The following FGF12 variants were observed in gnomAD, a reference collection of about 807,000 sequenced individuals.
The protein encoded by FGF12 is fibroblast growth factor 12B.
A neutral mutation model predicts 23.6 loss-of-function variants in FGF12; 14 were observed. That is an observed-to-expected ratio of 0.59 (90% CI 0.39 to 0.93). The LOEUF is 0.93. FGF12 is among the 40% of genes least tolerant of loss of function. The pLI is 0.00. For synonymous variants in FGF12, 62 were observed against 77.3 expected, an observed-to-expected ratio of 0.80 and a Z score of 1.04; for missense variants, 175 against 217.8, an observed-to-expected ratio of 0.80 and a Z score of 1.24.
chr3:192,270,167 C>T (rs368632495), intron 4 of FGF12, among the ~76,000 whole-genome samples: 125 of 152,192 alleles, frequency 8.2e-4, no homozygotes, highest in Admixed American at 2.2e-3. Context: ...GCTCTGATGA[C>T]CATAGAGCTA....
chr3:192,714,770 G>C (rs1470882373), intron 2 of FGF12, among the ~76,000 whole-genome samples: 15 of 151,980 alleles, frequency 9.9e-5, no homozygotes, highest in Non-Finnish European at 2.2e-4. Flanking sequence ...CGCCCGCCTC[G>C]GCCTCCCAAA....
At chr3:192,587,409 G>A (rs1713417813) in intron 2 of FGF12, among the ~76,000 whole-genome samples, 1 of 151,888 alleles carries the variant, frequency 6.6e-6, no homozygotes, top group Non-Finnish European at 1.5e-5. Flanking sequence ...GAGGGTCTTT[G>A]AACAGCAGAA....
At chr3:192,343,842 T>G (rs1371731209) in intron 3 of FGF12, among the ~76,000 whole-genome samples, 1 of 152,190 alleles carries the variant, frequency 6.6e-6, no homozygotes, top group African/African-American at 2.4e-5. Context: ...GCATCCAGAT[T>G]GCATTTCAAA....
chr3:192,186,945 T>C (rs892683006), intron 4 of FGF12, among the ~76,000 whole-genome samples: 1 of 152,242 alleles, frequency 6.6e-6, no homozygotes, highest in Non-Finnish European at 1.5e-5. Flanking sequence ...TTCTCCTTAG[T>C]AGAAATCTGT....
At chr3:192,558,608 A>G (rs897910319) in intron 2 of FGF12, among the ~76,000 whole-genome samples, 1 of 151,516 alleles carries the variant, frequency 6.6e-6, no homozygotes, top group Non-Finnish European at 1.5e-5. Context: ...ACCAAAAAAT[A>G]AACAACAACA....
chr3:192,595,870 G>T (rs1172186867), intron 2 of FGF12, among the ~76,000 whole-genome samples: 1 of 152,148 alleles, frequency 6.6e-6, no homozygotes, highest in East Asian at 1.9e-4. Context: ...TGAGGTGGGT[G>T]GATTACTTGA....
chr3:192,390,342 T>A (rs1306155592), intron 2 of FGF12, among the ~76,000 whole-genome samples: 1 of 152,146 alleles, frequency 6.6e-6, no homozygotes, highest in Admixed American at 6.5e-5. Flanking sequence ...GATGGAGAGA[T>A]TGAAAGAGAT....
chr3:192,663,680 T>A (rs1424110799), intron 2 of FGF12, among the ~76,000 whole-genome samples: 1 of 152,154 alleles, frequency 6.6e-6, no homozygotes, highest in Non-Finnish European at 1.5e-5. Context: ...ATGTCCAAGC[T>A]GTCAAATATC....
rs60991895 is a variant in FGF12, at chr3:192,628,442, T to TACACAC, written c.13+98733_13+98738dup. ...CAATTTTTCATTCCAACCAAAGGAA[T>TACACAC]ACACACACACACACACACACACACA... On this transcript the variant is annotated intron_variant, in intron 2 of 5. Transcript: ENST00000445105. 1.2e-3 allele frequency among the ~76,000 whole-genome samples: 161 copies of TACACAC among 135,010 alleles called. 2 individuals carry two copies. Among genetic ancestry groups the TACACAC allele is most frequent in the African/African-American group, 4.2e-3 (148 of 35,450 alleles). 88.6% of individuals were successfully genotyped at this position (135,010 alleles called of 152,430 possible).
intron 2 of FGF12, chr3:192,407,963 CTT>C: frequency 6.6e-7 from 1 of 1,506,194 alleles, no homozygotes; most frequent in Non-Finnish European, 8.9e-7. Flanking sequence ...TCCCGAGGTG[CTT>C]TGAGGAGGGA....
chr3:192,481,417 G>A (rs1723476147), intron 2 of FGF12, among the ~76,000 whole-genome samples: 1 of 152,056 alleles, frequency 6.6e-6, no homozygotes, highest in South Asian at 2.1e-4. Flanking sequence ...TCTTTTGATA[G>A]GATTTACCAG....
intron 2 of FGF12, among the ~76,000 whole-genome samples, chr3:192,400,734 T>G (rs1239286336): frequency 6.6e-6 from 1 of 152,148 alleles, no homozygotes; most frequent in Non-Finnish European, 1.5e-5. Context: ...TCAACCCTGC[T>G]CCTTCACCAG....
At chr3:192,365,992 A>C (rs1470941047) in intron 2 of FGF12, among the ~76,000 whole-genome samples, 5 of 151,576 alleles carry the variant, frequency 3.3e-5, no homozygotes, top group African/African-American at 7.3e-5. Context: ...AAAAAAAAAA[A>C]AAACAACAAC....
chr3:192,436,137 T>C (rs1338217743), intron 2 of FGF12, among the ~76,000 whole-genome samples: 4 of 152,132 alleles, frequency 2.6e-5, no homozygotes, highest in Non-Finnish European at 5.9e-5. Flanking sequence ...AGGACAATAC[T>C]GTCATAGTCC....
intron 2 of FGF12, among the ~76,000 whole-genome samples, chr3:192,500,435 C>T (rs1332139373): frequency 6.7e-6 from 1 of 149,848 alleles, no homozygotes; most frequent in Non-Finnish European, 1.5e-5. Context: ...ATAAATCCAA[C>T]ATCCCCCCAC....
At chr3:192,343,731 A>G (rs1276703623) in intron 3 of FGF12, among the ~76,000 whole-genome samples, 1 of 152,170 alleles carries the variant, frequency 6.6e-6, no homozygotes, top group East Asian at 1.9e-4. Flanking sequence ...AGCATTCCAT[A>G]CATAGCACTT....
At chr3:192,272,788 A>G (rs917571398) in intron 4 of FGF12, among the ~76,000 whole-genome samples, 1 of 152,166 alleles carries the variant, frequency 6.6e-6, no homozygotes, top group Non-Finnish European at 1.5e-5. Flanking sequence ...TAGCCATTGT[A>G]AAAATATTCA....
chr3:192,630,360 C>G (rs1354149613), intron 2 of FGF12, among the ~76,000 whole-genome samples: 1 of 151,978 alleles, frequency 6.6e-6, no homozygotes, highest in Non-Finnish European at 1.5e-5. Flanking sequence ...GCCTAACACA[C>G]AGCCCATGGC....
intron 2 of FGF12, among the ~76,000 whole-genome samples, chr3:192,706,651 G>A (rs142650705): frequency 7.2e-4 from 109 of 152,128 alleles, no homozygotes; most frequent in African/African-American, 2.0e-3. Context: ...TTGAATCCCC[G>A]CCGCAAGAAC....
Sources: gnomAD v4.1 joint callset for allele counts (sites outside exome capture counted in the v4.1 genomes callset) on GRCh38, gnomAD v4.1.1 for gene constraint, MANE v1.5 for transcripts, NCBI Gene and HGNC (gene_info 2026-07-23, HGNC 2026-07-21) for gene names.